DMD: variants seen among roughly 807,000 people sequenced by gnomAD.
DMD encodes mutant dystrophin.
DMD carries 63 observed loss-of-function variants against 330.1 expected under a neutral mutation model. The observed-to-expected ratio is 0.19, with a 90% CI of 0.16 to 0.24. DMD has a LOEUF of 0.24. Ranked by LOEUF, DMD falls within the 10% of genes least tolerant of loss-of-function variation. The pLI is 1.00. For synonymous variants in DMD, 1,223 were observed against 959.8 expected (o/e 1.27, Z -5.07); for missense variants, 3,344 against 2,684.1 (o/e 1.25, Z -5.43).
intron 11 of DMD, among the ~76,000 whole-genome samples, chrX:32,632,564 A>G (rs1175847832): frequency 8.9e-6 from 1 of 112,587 alleles, no homozygotes; most frequent in Non-Finnish European, 1.9e-5. Context: ...CTGGAAACCC[A>G]GGCTTTTCCA....
chrX:31,268,906 C>T (rs893167411), intron 62 of DMD, among the ~76,000 whole-genome samples: 3 of 111,788 alleles, frequency 2.7e-5, no homozygotes, highest in African/African-American at 9.8e-5. Context: ...AGTTCTGACA[C>T]GCTTCTCTAT....
chrX:31,144,083 C>T (rs1298275345), intron 76 of DMD, among the ~76,000 whole-genome samples: 1 of 111,622 alleles, frequency 9.0e-6, no homozygotes, highest in Non-Finnish European at 1.9e-5. Flanking sequence ...TCAAACATAT[C>T]CTTTTCCTTC....
intron 2 of DMD, among the ~76,000 whole-genome samples, chrX:32,921,207 T>C (rs1428932157): frequency 1.8e-5 from 2 of 111,852 alleles, no homozygotes; most frequent in Admixed American, 9.5e-5. Context: ...AGTTGGTAGG[T>C]TTGAATATGC....
chrX:31,480,655 AATTATC>A (rs1489605774), intron 57 of DMD, among the ~76,000 whole-genome samples: 22 of 105,864 alleles, frequency 2.1e-4, no homozygotes, highest in Non-Finnish European at 9.7e-5. Context: ...AATTCAAGTA[AATTATC>A]ATTTTGCCTA....
At chrX:33,258,309 T>A (rs2052892381) in intron 1 of DMD, among the ~76,000 whole-genome samples, 3 of 111,071 alleles carry the variant, frequency 2.7e-5, no homozygotes, top group African/African-American at 9.8e-5. Context: ...TTCACAGGTA[T>A]AACTATACCA....
At chrX:33,313,676 TA>T (rs201536253) in intron 1 of DMD, among the ~76,000 whole-genome samples, 21,955 of 98,779 alleles carry the variant, frequency 0.22, 1,788 homozygotes, top group Admixed American at 0.28. Flanking sequence ...GAAGTGGATG[TA>T]AAAAAAAAAA....
intron 62 of DMD, among the ~76,000 whole-genome samples, chrX:31,270,326 AC>A (rs2051530162): frequency 9.1e-6 from 1 of 110,416 alleles, no homozygotes; most frequent in African/African-American, 3.3e-5. Context: ...AGCCAAAGCC[AC>A]CCTCTGGGGC....
intron 7 of DMD, among the ~76,000 whole-genome samples, chrX:32,761,947 G>A (rs891069529): frequency 9.1e-6 from 1 of 109,935 alleles, no homozygotes; most frequent in African/African-American, 3.3e-5. Flanking sequence ...TAAGGAGATC[G>A]AGACCATTCT....
intron 7 of DMD, among the ~76,000 whole-genome samples, chrX:32,730,033 C>T (rs1398417400): frequency 4.5e-5 from 5 of 111,989 alleles, no homozygotes; most frequent in African/African-American, 1.6e-4. Flanking sequence ...CAGATCCCCA[C>T]TGTTAAAATG....
chrX:32,021,613 C>T (rs1452685679), intron 44 of DMD, among the ~76,000 whole-genome samples: 2 of 112,056 alleles, frequency 1.8e-5, no homozygotes, highest in Non-Finnish European at 3.8e-5. Flanking sequence ...TCAAATGTGA[C>T]TAATGCAAAT....
chrX:33,037,889 T>G (rs980210943), intron 1 of DMD, among the ~76,000 whole-genome samples: 1 of 112,198 alleles, frequency 8.9e-6, no homozygotes. Context: ...GAAACCATTT[T>G]GATTTAACAT....
rs150088368 is a variant in DMD at position 31,962,039 on chromosome X, C to T, written c.6614+6300G>A. Among the ~76,000 whole-genome samples the T allele has an allele frequency of 1.6e-3, 181 of 110,678 alleles. 1 individual carries two copies. Among genetic ancestry groups the T allele is most frequent in the African/African-American group, 5.6e-3 (170 of 30,426 alleles). On this transcript the variant is annotated intron_variant, in intron 45 of 78. Transcript: ENST00000357033. ...AAAATCTGATCTAGAGTAAGGACTCCGGAGGCAGACTGCGGGACTGCATCC... is the reference window on the plus strand; with the variant it reads ...AAAATCTGATCTAGAGTAAGGACTCTGGAGGCAGACTGCGGGACTGCATCC...
chrX:32,558,966 T>TC (rs1569199815), intron 16 of DMD, among the ~76,000 whole-genome samples: 1 of 86,495 alleles, frequency 1.2e-5, no homozygotes, highest in Non-Finnish European at 2.2e-5. Context: ...TTTTTTTTTT[T>TC]TTGAGACGAA....
At chrX:31,625,556 T>C (rs773520752) in intron 55 of DMD, among the ~76,000 whole-genome samples, 4 of 112,150 alleles carry the variant, frequency 3.6e-5, no homozygotes, top group African/African-American at 6.5e-5. Context: ...TTGAGTAACA[T>C]GGGATAAGCT....
chrX:31,564,896 G>A (rs976525452), intron 55 of DMD, among the ~76,000 whole-genome samples: 1 of 112,020 alleles, frequency 8.9e-6, no homozygotes, highest in East Asian at 2.8e-4. Context: ...TATTACAGAA[G>A]CTCTTAACTG....
chrX:33,185,262 T>C (rs190491296), intron 1 of DMD, among the ~76,000 whole-genome samples: 2 of 111,989 alleles, frequency 1.8e-5, no homozygotes, highest in African/African-American at 3.2e-5. Context: ...TAAAATATAT[T>C]ATTTACATAA....
chrX:33,200,861 CTAGT>C (rs1448388326), intron 1 of DMD, among the ~76,000 whole-genome samples: 3 of 104,304 alleles, frequency 2.9e-5, no homozygotes, highest in African/African-American at 7.0e-5. Context: ...GTTTTATATA[CTAGT>C]TAGTTACTGG....
chrX:31,222,985 C>T, intron 64 of DMD, 62 bp downstream of exon 64: 1 of 1,040,631 alleles, frequency 9.6e-7, no homozygotes, highest in Admixed American at 2.2e-5. Context: ...ATGTACCCAA[C>T]CTACTTTTTA....
At chrX:32,226,095 G>A (rs1372408541) in intron 43 of DMD, among the ~76,000 whole-genome samples, 1 of 111,465 alleles carries the variant, frequency 9.0e-6, no homozygotes, top group African/African-American at 3.3e-5. Flanking sequence ...TAGCCCCACT[G>A]TCGTGGCCTT....
Sources: gnomAD v4.1 joint callset for allele counts (sites outside exome capture counted in the v4.1 genomes callset) on GRCh38, gnomAD v4.1.1 for gene constraint, MANE v1.5 for transcripts, NCBI Gene and HGNC (gene_info 2026-07-23, HGNC 2026-07-21) for gene names.